The following NEIL2 variants were observed in gnomAD, a reference collection of about 807,000 sequenced individuals.
The protein encoded by NEIL2 is endonuclease 8-like 2.
A neutral mutation model predicts 22.2 loss-of-function variants in NEIL2; 23 were observed. That is an observed-to-expected ratio of 1.04 (90% CI 0.75 to 1.47). NEIL2 has a LOEUF of 1.47. NEIL2 is among the 40% of genes most tolerant of loss of function. NEIL2 has a pLI of 0.00. For missense variants in NEIL2, 583 were observed against 404.7 expected (o/e 1.44, Z -3.78); for synonymous variants, 229 against 164.8 (o/e 1.39, Z -2.99).
At chr8:11,778,191 G>T (rs1472421707) in intron 2 of NEIL2, among the ~76,000 whole-genome samples, 1 of 151,834 alleles carries the variant, frequency 6.6e-6, no homozygotes, top group Non-Finnish European at 1.5e-5. Flanking sequence ...ATGGGCATTT[G>T]ACAGTTATTT....
In NEIL2 at chr8:11,783,277, T is replaced by A. The variant is rs747033715; in HGVS notation, c.566T>A (p.Val189Glu). Residue 189 changes from valine (V) to glutamate (E), a missense_variant, in exon 4 of 5, where the codon GTG (valine) becomes GAG (glutamate). Coordinates refer to ENST00000284503, the MANE Select transcript of NEIL2 (RefSeq NM_145043.4). Reference sequence around the variant, plus strand: ...CAGTTGTCTTGGAGCTCTTCCCCAGTGGTCACACCCACCTGTGACATCCTG... The same window carrying A: ...CAGTTGTCTTGGAGCTCTTCCCCAGAGGTCACACCCACCTGTGACATCCTG... ...NCQLSWSSSPVVTPTCDILSE... is the reference protein window; with the variant it reads ...NCQLSWSSSPEVTPTCDILSE... 4.3e-5 allele frequency: 69 copies of A among 1,614,052 alleles called. No homozygotes were observed. Among genetic ancestry groups the A allele is most frequent in the Non-Finnish European group, 5.4e-5 (64 of 1,179,974 alleles).
chr8:11,779,581 C>G lies in NEIL2; in HGVS notation c.139-17C>G, dbSNP rs1804211147. 4 of 1,577,466 alleles carry G rather than the reference C, an allele frequency of 2.5e-6. No individual in the cohort carries two copies. Among genetic ancestry groups the G allele is most frequent in the South Asian group, 1.1e-5 (1 of 90,334 alleles). ...CTCTGGGTCTGTAAGGCTTGGATCT[C>G]TGTTCATTTTTTCTAGGTCCATGGA... On this transcript the variant is annotated splice_polypyrimidine_tract_variant and intron_variant, in intron 2 of 4. Transcript: ENST00000284503.
At chr8:11,784,672 T>A (rs993810230) in intron 4 of NEIL2, among the ~76,000 whole-genome samples, 12 of 152,296 alleles carry the variant, frequency 7.9e-5, no homozygotes, top group African/African-American at 2.6e-4. Flanking sequence ...ATGGACTCAG[T>A]CCACTGTGGG....
At chr8:11,785,026 G>A (rs1445313702) in intron 4 of NEIL2, among the ~76,000 whole-genome samples, 3 of 151,908 alleles carry the variant, frequency 2.0e-5, no homozygotes, top group South Asian at 4.2e-4. Flanking sequence ...ATGACATCAC[G>A]CCTCACTAAT....
In NEIL2 at chr8:11,778,257, A is replaced by G. The variant is rs8191599; in HGVS notation, c.139-1341A>G. Among the ~76,000 whole-genome samples, 380 of 150,642 alleles carry G rather than the reference A, an allele frequency of 2.5e-3. 2 individuals carry two copies. The highest frequency in any genetic ancestry group is 6.2e-3 in the African/African-American group (255 of 41,078). On this transcript the variant is annotated intron_variant, in intron 2 of 4. Transcript: ENST00000284503. ...TATACCAAGAAATATTTTCTGCAGCAAATTCTATTATGCCCACTTAAATCC... is the reference window on the plus strand; with the variant it reads ...TATACCAAGAAATATTTTCTGCAGCGAATTCTATTATGCCCACTTAAATCC...
At chr8:11,776,114 G>C (rs1401713606) in intron 2 of NEIL2, among the ~76,000 whole-genome samples, 1 of 152,224 alleles carries the variant, frequency 6.6e-6, no homozygotes, top group African/African-American at 2.4e-5. Context: ...ATAAAGGGAA[G>C]AGGTTTAGTG....
intron 2 of NEIL2, among the ~76,000 whole-genome samples, chr8:11,771,986 C>G (rs1803493784): frequency 6.6e-6 from 1 of 152,050 alleles, no homozygotes; most frequent in African/African-American, 2.4e-5. Context: ...GGGTGGATCA[C>G]TAGGTCAGGA....
intron 2 of NEIL2, among the ~76,000 whole-genome samples, chr8:11,777,317 T>C (rs1046452642): frequency 2.6e-5 from 4 of 152,110 alleles, no homozygotes; most frequent in African/African-American, 9.7e-5. Context: ...TCTGTGCTCT[T>C]GTAGTATCTG....
chr8:11,771,717 C>G (rs959170648), intron 2 of NEIL2, 132 bp downstream of exon 2: 8 of 851,630 alleles, frequency 9.4e-6, no homozygotes, highest in African/African-American at 8.4e-5. Flanking sequence ...ATGCAGCTCC[C>G]TCTTTCAGTC....
chr8:11,785,205 A>AT (rs55885060), intron 4 of NEIL2, among the ~76,000 whole-genome samples: 8,205 of 148,308 alleles, frequency 0.055, 334 homozygotes, highest in Middle Eastern at 0.092. Flanking sequence ...TTAAAAAAAA[A>AT]TTTTTTTTGA....
In NEIL2 at chr8:11,779,668, C is replaced by T; in HGVS notation, c.209C>T (p.Thr70Ile). The change falls in exon 3 of 5, where the codon ACA becomes ATA. Residue 70 changes from threonine to isoleucine, a missense_variant. Thr to Ile is a moderately conservative substitution (Grantham distance 89, BLOSUM62 -1). Coordinates refer to ENST00000284503, the MANE Select transcript of NEIL2 (RefSeq NM_145043.4). ...ATGGGGCCCCCTGGCAGCAGCCCAACACCAGAGCCTCCACAAAAAGAAGTG... is the reference window on the plus strand; with the variant it reads ...ATGGGGCCCCCTGGCAGCAGCCCAATACCAGAGCCTCCACAAAAAGAAGTG... ...EEMGPPGSSPTPEPPQKEVQK... is the reference protein window; with the variant it reads ...EEMGPPGSSPIPEPPQKEVQK... The T allele has an allele frequency of 6.2e-7, 1 of 1,613,870 alleles. No individual in the cohort carries two copies. Among genetic ancestry groups the T allele is most frequent in the Non-Finnish European group, 8.5e-7 (1 of 1,179,970 alleles).
chr8:11,775,304 G>T (rs959709109), intron 2 of NEIL2, among the ~76,000 whole-genome samples: 2 of 136,820 alleles, frequency 1.5e-5, no homozygotes, highest in Non-Finnish European at 3.2e-5. Flanking sequence ...AAGGCTTGGG[G>T]CTTGTACCCT....
intron 2 of NEIL2, among the ~76,000 whole-genome samples, chr8:11,772,750 C>T (rs1803577245): frequency 6.6e-6 from 1 of 152,156 alleles, no homozygotes; most frequent in Admixed American, 6.5e-5. Flanking sequence ...TCTGCTGCTG[C>T]TTAGCCGTGT....
chr8:11,774,786 C>T (rs569826391), intron 2 of NEIL2, among the ~76,000 whole-genome samples: 1 of 152,256 alleles, frequency 6.6e-6, no homozygotes, highest in South Asian at 2.1e-4. Context: ...GAAGGGGCTA[C>T]AGGCCCCATG....
Position 11,783,476 on chromosome 8 carries a change from G to C in NEIL2, c.688+77G>C. On this transcript the variant is annotated intron_variant, in intron 4 of 4. Coordinates refer to ENST00000284503, the MANE Select transcript of NEIL2 (RefSeq NM_145043.4). ...CGGTCCTGTGGGAGTCAGAAGACCT[G>C]AGGGCCACCCTAGTTGTGCCAGTGC... The C allele has an allele frequency of 4.8e-6, 6 of 1,239,658 alleles. No individual in the cohort carries two copies. In the South Asian group the frequency reaches 7.2e-5, roughly 15 times the overall value. The allele number at this position is 1,239,658 out of a possible 1,614,324, so 76.8% of individuals were successfully genotyped here. A position where few individuals can be genotyped will look rare whatever the true frequency, so the allele number is the denominator to read the frequency against.
rs1804258266 is a variant in NEIL2 at position 11,779,897 on chromosome 8, C to G, written c.438C>G (p.Phe146Leu). Residue 146 changes from phenylalanine (F) to leucine (L), a missense_variant, in exon 3 of 5, where the codon TTC (phenylalanine) becomes TTG (leucine). Phe to Leu is a conservative substitution (Grantham distance 22). Transcript: ENST00000284503. ...TTGGCAGCGTTTGGGTGAACGATTT[C>G]TCCAGAGCCAAGAAAGCCAACAAGA... ...GLFGSVWVND[F>L]SRAKKANKRG... 3.7e-6 allele frequency: 6 copies of G among 1,614,160 alleles called. No homozygotes were observed. In the East Asian group the frequency reaches 1.3e-4, roughly 36 times the overall value.
In NEIL2 at chr8:11,771,509, A is replaced by T; in HGVS notation, c.62A>T (p.Gln21Leu). Residue 21 changes from glutamine to leucine, a missense_variant, in exon 2 of 5, where the codon CAG becomes CTG. Coordinates refer to ENST00000284503, the MANE Select transcript of NEIL2 (RefSeq NM_145043.4). ...HHLVSPFVGQ[Q>L]VVKTGGSSKK... ...TTGGTCTCCCCCTTTGTGGGTCAGC[A>T]GGTGGTCAAGACAGGGGGCAGCAGT... 1 of 1,614,140 alleles carries T rather than the reference A, an allele frequency of 6.2e-7. No homozygotes were observed. The highest frequency in any genetic ancestry group is 8.5e-7 in the Non-Finnish European group (1 of 1,180,024).
rs145746760 is a variant in NEIL2 at position 11,783,299 on chromosome 8, C to T, written c.588C>T (p.Ile196=). ...CAGTGGTCACACCCACCTGTGACATCCTGTCTGAGAAGTTCCATCGAGGAC... is the reference window on the plus strand; with the variant it reads ...CAGTGGTCACACCCACCTGTGACATTCTGTCTGAGAAGTTCCATCGAGGAC... ...SSPVVTPTCD[I]LSEKFHRGQA... The change falls in exon 4 of 5, where the codon ATC becomes ATT. Residue 196 remains isoleucine (I), a synonymous_variant. Coordinates refer to ENST00000284503, the MANE Select transcript of NEIL2 (RefSeq NM_145043.4). 1.1e-4 allele frequency: 170 copies of T among 1,614,186 alleles called. No individual in the cohort carries two copies. In the African/African-American group the frequency reaches 2.0e-3, roughly 19 times the overall value.
chr8:11,783,371 G>C lies in NEIL2; in HGVS notation c.660G>C (p.Leu220=). Residue 220 remains leucine, a synonymous_variant, in exon 4 of 5, where the codon CTG becomes CTC. Transcript: ENST00000284503. Reference sequence around the variant, plus strand: ...AGGCTCAGCCTGTCTGCTATACACTGCTGGACCAGAGATACTTCTCAGGGC... The same window carrying C: ...AGGCTCAGCCTGTCTGCTATACACTCCTGGACCAGAGATACTTCTCAGGGC... ...LGQAQPVCYT[L]LDQRYFSGLG... is the part of the protein sequence containing the mutation. 3 of 1,614,188 alleles carry C rather than the reference G, an allele frequency of 1.9e-6. No homozygotes were observed. The highest frequency in any genetic ancestry group is 2.5e-6 in the Non-Finnish European group (3 of 1,180,002).
Sources: allele counts gnomAD v4.1 joint callset (sites outside exome capture counted in the v4.1 genomes callset), GRCh38; gene constraint gnomAD v4.1.1; transcripts MANE v1.5; gene names NCBI Gene and HGNC (gene_info 2026-07-23, HGNC 2026-07-21).